CDC5L: variants seen among roughly 807,000 people sequenced by gnomAD.
CDC5L encodes cell division cycle 5 like, also known as cell division cycle 5-like protein.
A neutral mutation model predicts 104.1 loss-of-function variants in CDC5L; 18 were observed. That is an observed-to-expected ratio of 0.17 (90% CI 0.12 to 0.26). CDC5L has a LOEUF of 0.26. Ranked by LOEUF, CDC5L falls within the 10% of genes least tolerant of loss-of-function variation. CDC5L has a pLI of 1.00. For synonymous variants in CDC5L, 331 were observed against 322.7 expected (o/e 1.03, Z -0.28); for missense variants, 673 against 956.9 (o/e 0.70, Z 3.91).
chr6:44,410,946 A>G (rs1581649578), intron 8 of CDC5L, among the ~76,000 whole-genome samples: 1 of 149,890 alleles, frequency 6.7e-6, no homozygotes, highest in South Asian at 2.1e-4. Context: ...ATCTTTATTC[A>G]GTTTTTAATT....
rs1187059222 is a variant in CDC5L, at chr6:44,448,037, A to G, written c.*1326A>G. The G allele has an allele frequency of 6.6e-6, 1 of 152,208 alleles. No homozygotes were observed. Among genetic ancestry groups the G allele is most frequent in the African/African-American group, 2.4e-5 (1 of 41,450 alleles). The allele number at this position is 152,208 out of a possible 1,614,324, so 9.4% of individuals were successfully genotyped here. A position where few individuals can be genotyped will look rare whatever the true frequency, so the allele number is the denominator to read the frequency against. ...TTGGAAGGCAGCTATGCTCACCACT[A>G]TACCACTGCACTGTGCCGCACCGTA... On this transcript the variant is annotated 3_prime_UTR_variant, in exon 16 of 16. Transcript: ENST00000371477.
chr6:44,438,299 A>G, intron 14 of CDC5L, among the ~76,000 whole-genome samples: 1 of 152,200 alleles, frequency 6.6e-6, no homozygotes, highest in Non-Finnish European at 1.5e-5. Flanking sequence ...TGATGGATTT[A>G]GTTGTTCATA....
chr6:44,437,130 C>T (rs2153383401), intron 14 of CDC5L, among the ~76,000 whole-genome samples: 1 of 152,212 alleles, frequency 6.6e-6, no homozygotes, highest in African/African-American at 2.4e-5. Context: ...AAGTTTTATA[C>T]TCTCTTGTAC....
intron 5 of CDC5L, among the ~76,000 whole-genome samples, chr6:44,396,903 A>T (rs964028870): frequency 6.6e-6 from 1 of 152,194 alleles, no homozygotes; most frequent in Admixed American, 6.5e-5. Flanking sequence ...GCAGGTGCTT[A>T]TGTCCCATTG....
intron 11 of CDC5L, among the ~76,000 whole-genome samples, chr6:44,425,490 C>T (rs1247422534): frequency 6.6e-6 from 1 of 152,044 alleles, no homozygotes; most frequent in Admixed American, 6.6e-5. Context: ...CTTTCAGTAG[C>T]TGCAGTCCAT....
chr6:44,421,907 G>C (rs1792198377), intron 9 of CDC5L, among the ~76,000 whole-genome samples: 1 of 152,234 alleles, frequency 6.6e-6, no homozygotes, highest in East Asian at 1.9e-4. Context: ...CTCTCACCTA[G>C]ATTGTAAAAT....
rs566478767 is a variant in CDC5L, at chr6:44,387,996, A to G, written c.45+128A>G. ...TGCGTGGAGGGCAGCCCGGGGGCTG[A>G]CCCTTGGGGCCCTTTCCGTGTGTCT... is the stretch of plus-strand genomic sequence containing the variant. On this transcript the variant is annotated intron_variant, in intron 1 of 15. Transcript: ENST00000371477. 86 of 797,886 alleles carry G rather than the reference A, an allele frequency of 1.1e-4. 1 individual carries two copies. The East Asian group carries it at 2.3e-3, about 21-fold the overall frequency. 49.4% of individuals were successfully genotyped at this position (797,886 alleles called of 1,614,324 possible). A position where few individuals can be genotyped will look rare whatever the true frequency, so the allele number is the denominator to read the frequency against.
chr6:44,434,085 C>T (rs1792812335), intron 14 of CDC5L, among the ~76,000 whole-genome samples: 1 of 152,158 alleles, frequency 6.6e-6, no homozygotes, highest in African/African-American at 2.4e-5. Context: ...TGCTATGACC[C>T]TTATAGGCAC....
chr6:44,420,569 G>C (rs916740282), intron 9 of CDC5L, among the ~76,000 whole-genome samples: 1 of 151,826 alleles, frequency 6.6e-6, no homozygotes, highest in African/African-American at 2.4e-5. Context: ...TGATGGTCAG[G>C]CTGGTCTCGA....
At chr6:44,439,100 A>G (rs1485846633) in intron 14 of CDC5L, among the ~76,000 whole-genome samples, 2 of 152,192 alleles carry the variant, frequency 1.3e-5, no homozygotes, top group Non-Finnish European at 2.9e-5. Flanking sequence ...CATAAGTGGA[A>G]TCATGTAATA....
At chr6:44,404,429 C>T (rs552036398) in intron 6 of CDC5L, among the ~76,000 whole-genome samples, 3 of 152,238 alleles carry the variant, frequency 2.0e-5, no homozygotes, top group African/African-American at 7.2e-5. Flanking sequence ...GTTACTGTGC[C>T]TGGCCTAGAT....
At chr6:44,431,122 A>G (rs1486745757) in intron 14 of CDC5L, among the ~76,000 whole-genome samples, 1 of 152,226 alleles carries the variant, frequency 6.6e-6, no homozygotes, top group East Asian at 1.9e-4. Flanking sequence ...AAAAAGCAGT[A>G]TCTTTTAATT....
chr6:44,419,421 C>G, intron 8 of CDC5L, 28 bp from the exon 9 acceptor site: 9 of 1,611,418 alleles, frequency 5.6e-6, no homozygotes, highest in Non-Finnish European at 7.6e-6. Flanking sequence ...AACTTTTAAA[C>G]TTGCTTCTTT....
chr6:44,388,557 G>A (rs1401169126), intron 1 of CDC5L, among the ~76,000 whole-genome samples: 1 of 148,514 alleles, frequency 6.7e-6, no homozygotes, highest in Non-Finnish European at 1.5e-5. Context: ...GAGTGGGAGT[G>A]AAATAGAAAT....
At chr6:44,442,085 C>A (rs1031108067) in intron 14 of CDC5L, among the ~76,000 whole-genome samples, 1 of 151,638 alleles carries the variant, frequency 6.6e-6, no homozygotes, top group African/African-American at 2.4e-5. Flanking sequence ...TACAGGCGCC[C>A]GCTACCATGC....
intron 14 of CDC5L, among the ~76,000 whole-genome samples, chr6:44,442,312 A>AC (rs1793232166): frequency 6.7e-6 from 1 of 150,214 alleles, no homozygotes; most frequent in Non-Finnish European, 1.5e-5. Flanking sequence ...ACCAGTGCCA[A>AC]TTGTTTTCTG....
intron 5 of CDC5L, among the ~76,000 whole-genome samples, chr6:44,402,647 AAATT>A (rs1422998238): frequency 6.6e-6 from 1 of 152,228 alleles, no homozygotes; most frequent in Non-Finnish European, 1.5e-5. Context: ...AAAAAAGTAA[AAATT>A]AAATGGAATT....
At chr6:44,406,520 T>G (rs1561970599) in intron 7 of CDC5L, 53 bp downstream of exon 7, 1 of 1,490,620 alleles carries the variant, frequency 6.7e-7, no homozygotes, top group Non-Finnish European at 9.2e-7. Flanking sequence ...GCTTATATCA[T>G]TTATTCAGCA....
chr6:44,446,162 C>G (rs1050496032), intron 15 of CDC5L, among the ~76,000 whole-genome samples: 2 of 152,202 alleles, frequency 1.3e-5, no homozygotes, highest in Admixed American at 1.3e-4. Flanking sequence ...AACTTAATTG[C>G]ATCCCATTCA....
Sources: allele counts gnomAD v4.1 joint callset (sites outside exome capture counted in the v4.1 genomes callset), GRCh38; gene constraint gnomAD v4.1.1; transcripts MANE v1.5; gene names NCBI Gene and HGNC (gene_info 2026-07-23, HGNC 2026-07-21).